The following CNTN4 variants were observed in gnomAD, a reference collection of about 807,000 sequenced individuals.
CNTN4 encodes the protein contactin 4.
Under a neutral mutation model 122.5 loss-of-function variants are expected in CNTN4, and 77 were observed. That is an observed-to-expected ratio of 0.63 (90% CI 0.52 to 0.76). The LOEUF is 0.76. Among genes scored for constraint, CNTN4 ranks in the 30% least tolerant of loss-of-function variants. CNTN4 has a pLI of 0.00. For missense variants in CNTN4, 1,256 were observed against 1,259.1 expected (o/e 1.00, Z 0.04); for synonymous variants, 512 against 447.0 (o/e 1.15, Z -1.83).
At chr3:2,892,173 A>C (rs1334703310) in intron 10 of CNTN4, 1 of 152,212 alleles carries the variant, frequency 6.6e-6, no homozygotes, top group Non-Finnish European at 1.5e-5. Context: ...TGTGCATCAC[A>C]ATCACTTGGA....
intron 6 of CNTN4, among the ~76,000 whole-genome samples, chr3:2,747,716 C>T (rs1327282489): frequency 6.6e-6 from 1 of 152,214 alleles, no homozygotes; most frequent in Non-Finnish European, 1.5e-5. Context: ...GCTCATTCCA[C>T]TTCATGTGTG....
intron 15 of CNTN4, among the ~76,000 whole-genome samples, chr3:3,028,650 T>A (rs1462438495): frequency 6.6e-6 from 1 of 152,180 alleles, no homozygotes; most frequent in Non-Finnish European, 1.5e-5. Context: ...ACGCATCCCC[T>A]GGGGCATATT....
chr3:2,932,320 G>C (rs1388263119), intron 13 of CNTN4, among the ~76,000 whole-genome samples: 1 of 152,206 alleles, frequency 6.6e-6, no homozygotes, highest in East Asian at 1.9e-4. Flanking sequence ...GGAGCTTGCA[G>C]TGAGCCGAGA....
rs1359371619 is a variant in CNTN4 at position 2,900,730 on chromosome 3, T to A, written c.986T>A (p.Met329Lys). 3 of 1,613,924 alleles carry A rather than the reference T, an allele frequency of 1.9e-6. No individual in the cohort carries two copies. The highest frequency in any genetic ancestry group is 2.2e-5 in the East Asian group (1 of 44,858). The change falls in exon 11 of 25, where the codon ATG becomes AAG. Residue 329 changes from methionine (M) to lysine (K), a missense_variant. Physicochemically the swap from Met to Lys is moderately conservative, Grantham distance 95. Coordinates refer to ENST00000418658, the MANE Select transcript of CNTN4 (RefSeq NM_175607.3). ...AAAATAAATGATATTCACGTGGCCA[T>A]GGAAGAAAATGTCTTTTGGGAATGT... ...IQKINDIHVA[M>K]EENVFWECKA... is the part of the protein sequence containing the mutation.
intron 4 of CNTN4, among the ~76,000 whole-genome samples, chr3:2,651,742 G>A (rs2083369706): frequency 7.1e-6 from 1 of 141,010 alleles, no homozygotes; most frequent in Admixed American, 7.3e-5. Context: ...TCACTCTGTT[G>A]CCCAGGCTAG....
intron 3 of CNTN4, among the ~76,000 whole-genome samples, chr3:2,349,439 T>G (rs1013729071): frequency 6.6e-6 from 1 of 152,136 alleles, no homozygotes; most frequent in African/African-American, 2.4e-5. Context: ...GTAAACTTCA[T>G]AAGTCACCCA....
Position 2,121,265 on chromosome 3 carries a change from C to T in CNTN4, c.-145+20626C>T, listed in dbSNP as rs372582938. Among the ~76,000 whole-genome samples, 28 of 152,162 alleles carry T rather than the reference C, an allele frequency of 1.8e-4. No homozygotes were observed. In the South Asian group the frequency reaches 5.2e-3, roughly 28 times the overall value. ...GTGTAATCCCAGCACTCTGGGAGGC[C>T]GAGGCGGGCAGATCACGAGGTCAGA... On this transcript the variant is annotated intron_variant, in intron 2 of 24. Transcript: ENST00000418658.
rs78972559 is a variant in CNTN4, at chr3:2,839,887, A to G, written c.454+20306A>G. On this transcript the variant is annotated intron_variant, in intron 7 of 24. Coordinates refer to ENST00000418658, the MANE Select transcript of CNTN4 (RefSeq NM_175607.3). ...AATCCCTGGAACAGTCCGAATAGCA[A>G]TCTAGGGACTTTTTTAAAATTTTTT... 6.9e-3 allele frequency among the ~76,000 whole-genome samples: 1,057 copies of G among 152,310 alleles called. 11 individuals are homozygous for G. Among genetic ancestry groups the G allele is most frequent in the African/African-American group, 0.024 (995 of 41,556 alleles).
At chr3:2,204,059 A>G (rs984415980) in intron 2 of CNTN4, among the ~76,000 whole-genome samples, 1 of 152,200 alleles carries the variant, frequency 6.6e-6, no homozygotes, top group Non-Finnish European at 1.5e-5. Context: ...CAATTGTAAC[A>G]TTTAAATTCT....
At chr3:2,231,349 A>G (rs2039482082) in intron 2 of CNTN4, among the ~76,000 whole-genome samples, 1 of 152,214 alleles carries the variant, frequency 6.6e-6, no homozygotes. Context: ...GAGGACTGGG[A>G]GGAAATTTCC....
At chr3:2,256,429 TA>T (rs2040594715) in intron 2 of CNTN4, among the ~76,000 whole-genome samples, 1 of 152,200 alleles carries the variant, frequency 6.6e-6, no homozygotes, top group South Asian at 2.1e-4. Flanking sequence ...GAATCCTCCC[TA>T]ACTCATTTTG....
At chr3:2,598,267 G>A (rs976266756) in intron 4 of CNTN4, among the ~76,000 whole-genome samples, 1 of 152,258 alleles carries the variant, frequency 6.6e-6, no homozygotes, top group Middle Eastern at 3.4e-3. Flanking sequence ...ATGTTGGGAG[G>A]TCTGAGTAGT....
At position 2,718,470 on chromosome 3, in the gene CNTN4, C is replaced by T. The variant is rs114607106; in HGVS notation, c.56-17745C>T. ...TCAGATCCTACTTCAGGATGCTTTT[C>T]GTGTCAAGATCCCAAAGGTTTGATA... On this transcript the variant is annotated intron_variant, in intron 4 of 24. Coordinates refer to ENST00000418658, the MANE Select transcript of CNTN4 (RefSeq NM_175607.3). Among the ~76,000 whole-genome samples, 647 of 152,198 alleles carry T rather than the reference C, an allele frequency of 4.3e-3. 7 individuals are homozygous for T. The highest frequency in any genetic ancestry group is 0.015 in the African/African-American group (622 of 41,534).
intron 6 of CNTN4, among the ~76,000 whole-genome samples, chr3:2,788,938 CA>C (rs2091922469): frequency 3.9e-5 from 6 of 151,948 alleles, no homozygotes; most frequent in Non-Finnish European, 1.5e-5. Flanking sequence ...CTAAGAGACA[CA>C]AAAACAGAAA....
chr3:2,554,342 CA>C lies in CNTN4; in HGVS notation c.-88-17065del, dbSNP rs1357790166. On this transcript the variant is annotated intron_variant, in intron 3 of 24. Transcript: ENST00000418658. The stretch of plus-strand genomic sequence containing the variant: ...ATTAATTTCTAAACAGGATTTAGAG[CA>C]AAAAAAAACCCAAACATACTTTGCT... Among the ~76,000 whole-genome samples the C allele has an allele frequency of 2.3e-3, 347 of 150,152 alleles. 1 individual carries two copies. The highest frequency in any genetic ancestry group is 7.8e-3 in the African/African-American group (318 of 40,996).
At chr3:2,287,632 G>GAGAAGGAGAAGGAGAAGA (rs1559415115) in intron 2 of CNTN4, among the ~76,000 whole-genome samples, 3 of 49,476 alleles carry the variant, frequency 6.1e-5, no homozygotes, top group Non-Finnish European at 1.3e-4. Flanking sequence ...GAAGGAGAAG[G>GAGAAGGAGAAGGAGAAGA]AGAAGAAGAA....
chr3:2,786,104 C>T (rs1462321199), intron 6 of CNTN4, among the ~76,000 whole-genome samples: 14 of 151,986 alleles, frequency 9.2e-5, no homozygotes, highest in Admixed American at 9.2e-4. Flanking sequence ...AACCCTTCCC[C>T]TCCATCCCCT....
At chr3:2,726,509 C>G (rs1011164397) in intron 4 of CNTN4, among the ~76,000 whole-genome samples, 1 of 152,080 alleles carries the variant, frequency 6.6e-6, no homozygotes, top group Non-Finnish European at 1.5e-5. Flanking sequence ...GATACTGAGG[C>G]AAAAATCACA....
intron 3 of CNTN4, among the ~76,000 whole-genome samples, chr3:2,527,992 T>A (rs2149208563): frequency 6.6e-6 from 1 of 152,292 alleles, no homozygotes; most frequent in South Asian, 2.1e-4. Flanking sequence ...CAATGTTCTT[T>A]CATTTGGTCA....
Sources: gnomAD v4.1 joint callset for allele counts (sites outside exome capture counted in the v4.1 genomes callset) on GRCh38, gnomAD v4.1.1 for gene constraint, MANE v1.5 for transcripts, NCBI Gene and HGNC (gene_info 2026-07-23, HGNC 2026-07-21) for gene names.